Variants in CNTNAP2 observed in about 807,000 individuals in gnomAD.
CNTNAP2 encodes the protein contactin associated protein 2.
In CNTNAP2, 98 loss-of-function variants were observed where a neutral mutation model predicts 155.2. The observed-to-expected ratio is 0.63, with a 90% CI of 0.54 to 0.75. The LOEUF is 0.75. Among genes scored for constraint, CNTNAP2 ranks in the 30% least tolerant of loss-of-function variants. CNTNAP2 has a pLI of 0.00. For synonymous variants in CNTNAP2, 651 were observed against 631.2 expected (o/e 1.03, Z -0.47); for missense variants, 1,727 against 1,688.1 (o/e 1.02, Z -0.40).
At chr7:148,329,929 T>A (rs1797956123) in intron 21 of CNTNAP2, among the ~76,000 whole-genome samples, 1 of 152,208 alleles carries the variant, frequency 6.6e-6, no homozygotes, top group Non-Finnish European at 1.5e-5. Context: ...TGCAGGCCCT[T>A]ACCCCCGTCT....
chr7:147,387,053 A>T (rs138094094), intron 9 of CNTNAP2, among the ~76,000 whole-genome samples: 1 of 152,222 alleles, frequency 6.6e-6, no homozygotes, highest in East Asian at 1.9e-4. Flanking sequence ...ATCTCGTGAG[A>T]CGTATTCACC....
rs114345237 is a variant in CNTNAP2, at chr7:147,767,387, C to T, written c.2098+128081C>T. Among the ~76,000 whole-genome samples, 444 of 152,044 alleles carry T rather than the reference C, an allele frequency of 2.9e-3. 1 individual carries two copies. Among genetic ancestry groups the T allele is most frequent in the African/African-American group, 9.6e-3 (397 of 41,508 alleles). ...TCCAGGACAATTAGAAAGAAATTTC[C>T]GTAATACATATAATTTCCTAAGGTA... is the stretch of plus-strand genomic sequence containing the variant. On this transcript the variant is annotated intron_variant, in intron 13 of 23. Transcript: ENST00000361727.
At chr7:147,063,865 A>G (rs1443031303) in intron 4 of CNTNAP2, among the ~76,000 whole-genome samples, 1 of 152,172 alleles carries the variant, frequency 6.6e-6, no homozygotes, top group Non-Finnish European at 1.5e-5. Flanking sequence ...AGCAGTATAA[A>G]AAATCTTATC....
intron 1 of CNTNAP2, among the ~76,000 whole-genome samples, chr7:146,612,830 T>C (rs558518060): frequency 6.6e-6 from 1 of 152,264 alleles, no homozygotes; most frequent in African/African-American, 2.4e-5. Context: ...AGTATTTTTG[T>C]GATGTTGCTC....
intron 1 of CNTNAP2, among the ~76,000 whole-genome samples, chr7:146,578,851 GA>G (rs1315694523): frequency 6.6e-6 from 1 of 152,030 alleles, no homozygotes; most frequent in East Asian, 1.9e-4. Flanking sequence ...AATTAAGTCA[GA>G]TTTTTTTTAA....
At chr7:146,923,968 T>C (rs907006140) in intron 3 of CNTNAP2, among the ~76,000 whole-genome samples, 6 of 152,174 alleles carry the variant, frequency 3.9e-5, no homozygotes, top group Non-Finnish European at 8.8e-5. Context: ...GCAATCCTGA[T>C]GCACTCAAAC....
chr7:147,270,547 G>A (rs1404457460), intron 8 of CNTNAP2, among the ~76,000 whole-genome samples: 1 of 152,152 alleles, frequency 6.6e-6, no homozygotes, highest in Admixed American at 6.5e-5. Context: ...ATTGCTATTT[G>A]AGCAATGACT....
At chr7:146,728,502 G>A (rs1269098551) in intron 1 of CNTNAP2, among the ~76,000 whole-genome samples, 1 of 151,734 alleles carries the variant, frequency 6.6e-6, no homozygotes, top group Non-Finnish European at 1.5e-5. Context: ...GGCTACAGGT[G>A]TGTCAATTGG....
chr7:146,243,957 G>A (rs1260699372), intron 1 of CNTNAP2, among the ~76,000 whole-genome samples: 2 of 152,156 alleles, frequency 1.3e-5, no homozygotes, highest in African/African-American at 4.8e-5. Context: ...TAGGGGCGGT[G>A]TGGGAACCTA....
At chr7:148,365,252 C>T (rs754431386) in intron 21 of CNTNAP2, among the ~76,000 whole-genome samples, 4 of 152,162 alleles carry the variant, frequency 2.6e-5, no homozygotes, top group African/African-American at 4.8e-5. Flanking sequence ...TTTCAGAGCA[C>T]GAGGCTTTCT....
At chr7:146,299,746 G>A (rs898818587) in intron 1 of CNTNAP2, among the ~76,000 whole-genome samples, 8 of 152,008 alleles carry the variant, frequency 5.3e-5, no homozygotes, top group Non-Finnish European at 8.8e-5. Flanking sequence ...GAGGGGGTAC[G>A]ACTTATGTGA....
At chr7:146,230,038 C>T (rs112577085) in intron 1 of CNTNAP2, among the ~76,000 whole-genome samples, 2,325 of 152,208 alleles carry the variant, frequency 0.015, 50 homozygotes, top group African/African-American at 0.052. Context: ...TGAAGACTTC[C>T]ATTGAAAAGA....
chr7:146,471,474 G>A (rs985749908), intron 1 of CNTNAP2, among the ~76,000 whole-genome samples: 2 of 152,188 alleles, frequency 1.3e-5, no homozygotes, highest in African/African-American at 4.8e-5. Flanking sequence ...GGGTTTAATT[G>A]GACCCAATAG....
At chr7:147,579,495 T>C (rs1800457595) in intron 12 of CNTNAP2, among the ~76,000 whole-genome samples, 2 of 152,134 alleles carry the variant, frequency 1.3e-5, no homozygotes, top group Non-Finnish European at 2.9e-5. Context: ...GTCAGAGACA[T>C]TGAATTATTG....
chr7:147,211,029 A>G (rs138367403), intron 8 of CNTNAP2, among the ~76,000 whole-genome samples: 1 of 138,502 alleles, frequency 7.2e-6, no homozygotes, highest in South Asian at 2.2e-4. Flanking sequence ...TTTTTTTTTT[A>G]TTTATTGAGA....
intron 1 of CNTNAP2, among the ~76,000 whole-genome samples, chr7:146,546,785 C>G (rs866863923): frequency 8.6e-5 from 13 of 151,918 alleles, no homozygotes; most frequent in African/African-American, 2.9e-4. Flanking sequence ...GTGTAAGTCT[C>G]TTATAAAACC....
At chr7:147,093,051 T>C (rs1185793048) in intron 4 of CNTNAP2, among the ~76,000 whole-genome samples, 1 of 141,970 alleles carries the variant, frequency 7.0e-6, no homozygotes, top group African/African-American at 2.7e-5. Context: ...TGAAACCCTG[T>C]CTCTACTAAA....
intron 21 of CNTNAP2, among the ~76,000 whole-genome samples, chr7:148,301,304 A>ATATATATATAT (rs533956682): frequency 5.9e-4 from 18 of 30,316 alleles, no homozygotes; most frequent in African/African-American, 1.0e-3. Flanking sequence ...AAAAAAAAAA[A>ATATATATATAT]AAATATATAT....
At chr7:146,513,224 A>G (rs1039858626) in intron 1 of CNTNAP2, among the ~76,000 whole-genome samples, 1 of 151,922 alleles carries the variant, frequency 6.6e-6, no homozygotes, top group Non-Finnish European at 1.5e-5. Flanking sequence ...ATATAGTTAT[A>G]TAATTGGATC....
Sources: allele counts gnomAD v4.1 joint callset (sites outside exome capture counted in the v4.1 genomes callset), GRCh38; gene constraint gnomAD v4.1.1; transcripts MANE v1.5; gene names NCBI Gene and HGNC (gene_info 2026-07-23, HGNC 2026-07-21).